LOC400499: variants seen among roughly 807,000 people sequenced by gnomAD.
the LOC400499 span, chr16:11,411,157 T>C: frequency 7.5e-6 from 3 of 398,740 alleles, no homozygotes; most frequent in East Asian, 7.1e-5. Flanking sequence ...TGTGCATGTA[T>C]TAACACTCCC....
chr16:11,385,375 C>T, the LOC400499 span: 19 of 1,232,164 alleles, frequency 1.5e-5, no homozygotes, highest in Admixed American at 1.7e-4. Context: ...ACCCGGCCGT[C>T]GAAGGTCACC....
At chr16:11,469,560 C>T in the LOC400499 span, 1 of 398,952 alleles carries the variant, frequency 2.5e-6, no homozygotes, top group Admixed American at 4.4e-5. Context: ...GGAACTTGTT[C>T]TGGGGCAAGC....
At chr16:11,465,296 T>G in the LOC400499 span, 1 of 152,128 alleles carries the variant, frequency 6.6e-6, no homozygotes, top group Non-Finnish European at 1.5e-5. Context: ...CCAGCTAATT[T>G]TTGTATTTTT....
the LOC400499 span, among the ~76,000 whole-genome samples, chr16:11,423,609 C>T: frequency 6.6e-6 from 1 of 152,232 alleles, no homozygotes; most frequent in African/African-American, 2.4e-5. Flanking sequence ...AGCCTGGCTT[C>T]AGGCCAGGAG....
At chr16:11,446,718 C>T in the LOC400499 span, 1 of 1,533,060 alleles carries the variant, frequency 6.5e-7, no homozygotes, top group South Asian at 1.2e-5. Context: ...CTCTCAGGCC[C>T]CTTCCGGGCT....
At chr16:11,402,023 G>C in the LOC400499 span, 2 of 399,008 alleles carry the variant, frequency 5.0e-6, no homozygotes, top group Non-Finnish European at 8.8e-6. Context: ...TCACCTTCCG[G>C]CCCTGACACT....
chr16:11,460,316 A>T, the LOC400499 span, among the ~76,000 whole-genome samples: 3 of 152,172 alleles, frequency 2.0e-5, no homozygotes, highest in African/African-American at 7.2e-5. Context: ...GGATGAACAG[A>T]CATAAGACTG....
chr16:11,407,298 A>G, the LOC400499 span: 1 of 398,828 alleles, frequency 2.5e-6, no homozygotes, highest in Non-Finnish European at 4.4e-6. Context: ...TCCACGCCCA[A>G]GGCGAACATG....
chr16:11,397,568 C>T, the LOC400499 span, among the ~76,000 whole-genome samples: 70 of 152,240 alleles, frequency 4.6e-4, no homozygotes, highest in African/African-American at 1.3e-3. Context: ...CCACCGCACC[C>T]GGCTTGTAAA....
the LOC400499 span, chr16:11,471,844 C>A: frequency 3.8e-5 from 15 of 399,086 alleles, no homozygotes; most frequent in African/African-American, 2.7e-4. Flanking sequence ...GCAGGCAGCA[C>A]TGGTCAGTGG....
chr16:11,506,062 G>A, the LOC400499 span, among the ~76,000 whole-genome samples: 360 of 152,166 alleles, frequency 2.4e-3, 3 homozygotes, highest in African/African-American at 8.6e-3. Context: ...TTGAGATGGA[G>A]TCTCACTCTT....
At chr16:11,401,184 A>G in the LOC400499 span, 7,554 of 398,732 alleles carry the variant, frequency 0.019, 490 homozygotes, top group African/African-American at 0.14. Context: ...TTCTCCTACC[A>G]GAGGTGCCCA....
the LOC400499 span, chr16:11,460,473 C>T: frequency 1.4e-4 from 214 of 1,518,832 alleles, 2 homozygotes; most frequent in African/African-American, 9.3e-4. Context: ...GCCTGGGAAC[C>T]CACCTTGTGG....
At chr16:11,413,651 C>CA in the LOC400499 span, among the ~76,000 whole-genome samples, 1 of 152,202 alleles carries the variant, frequency 6.6e-6, no homozygotes, top group Non-Finnish European at 1.5e-5. Context: ...TTGGGCAAGT[C>CA]ACCCACACTC....
chr16:11,508,962 G>T, the LOC400499 span: 1 of 397,378 alleles, frequency 2.5e-6, no homozygotes, highest in Non-Finnish European at 4.4e-6. Flanking sequence ...CCTTCAGCAT[G>T]TTTCAGGCAA....
chr16:11,479,885 CT>C, the LOC400499 span, among the ~76,000 whole-genome samples: 5 of 152,178 alleles, frequency 3.3e-5, no homozygotes, highest in African/African-American at 1.2e-4. Context: ...CTGTATCCCC[CT>C]GGTCTCTGGT....
chr16:11,399,251 T>C, the LOC400499 span: 2 of 984,964 alleles, frequency 2.0e-6, no homozygotes, highest in African/African-American at 3.5e-5. Flanking sequence ...TCTCGGGCCG[T>C]TCCCCTTGCT....
At chr16:11,446,893 G>A in the LOC400499 span, 2 of 1,535,412 alleles carry the variant, frequency 1.3e-6, no homozygotes, top group African/African-American at 1.4e-5. Context: ...CTGCGGGATG[G>A]GCAGGTGCAA....
chr16:11,414,355 G>A, the LOC400499 span: 186 of 399,390 alleles, frequency 4.7e-4, no homozygotes, highest in African/African-American at 3.5e-3. Flanking sequence ...GTTGGTGAAG[G>A]GCAGGCCCAG....
Sources: gnomAD v4.1 joint callset for allele counts (sites outside exome capture counted in the v4.1 genomes callset) on GRCh38, gnomAD v4.1.1 for gene constraint, MANE v1.5 for transcripts.